Variants in CHIC1 observed in about 807,000 individuals in gnomAD.
CHIC1 encodes the protein cysteine rich hydrophobic domain 1, also known as cysteine-rich hydrophobic domain-containing protein 1.
Under a neutral mutation model 18.5 loss-of-function variants are expected in CHIC1, and 7 were observed. The observed-to-expected ratio is 0.38, with a 90% CI of 0.22 to 0.71. The LOEUF is 0.71. Among genes scored for constraint, CHIC1 ranks in the 30% least tolerant of loss-of-function variants. The pLI, the probability that CHIC1 is intolerant of heterozygous loss-of-function variation, is 0.49. For synonymous variants in CHIC1, 77 were observed against 73.5 expected, an observed-to-expected ratio of 1.05 and a Z score of -0.25; for missense variants, 159 against 176.9, an observed-to-expected ratio of 0.90 and a Z score of 0.57.
At chrX:73,615,388 G>A (rs1457971066) in intron 3 of CHIC1, among the ~76,000 whole-genome samples, 2 of 111,707 alleles carry the variant, frequency 1.8e-5, no homozygotes, top group Admixed American at 1.9e-4. Flanking sequence ...ACAGGATCTT[G>A]GGGGGTAGTG....
At chrX:73,626,113 T>G (rs2057782379) in intron 3 of CHIC1, among the ~76,000 whole-genome samples, 1 of 111,413 alleles carries the variant, frequency 9.0e-6, no homozygotes, top group South Asian at 3.8e-4. Flanking sequence ...ATCCATAAAG[T>G]GAAAGCAAGT....
At chrX:73,606,301 C>T (rs1175071270) in intron 3 of CHIC1, among the ~76,000 whole-genome samples, 1 of 106,089 alleles carries the variant, frequency 9.4e-6, no homozygotes, top group Non-Finnish European at 1.9e-5. Flanking sequence ...GTATGCTTCA[C>T]GAAGTTCTCG....
At chrX:73,650,039 A>G (rs184596117) in intron 3 of CHIC1, among the ~76,000 whole-genome samples, 2 of 112,458 alleles carry the variant, frequency 1.8e-5, no homozygotes, top group East Asian at 2.8e-4. Context: ...AACTCACTCA[A>G]AAACCACACA....
chrX:73,631,401 C>A (rs2057806264), intron 3 of CHIC1, among the ~76,000 whole-genome samples: 2 of 109,993 alleles, frequency 1.8e-5, no homozygotes, highest in South Asian at 7.8e-4. Flanking sequence ...CTTAGGCGGG[C>A]AGATCACCTG....
chrX:73,630,735 G>A (rs184730343), intron 3 of CHIC1, among the ~76,000 whole-genome samples: 1 of 111,808 alleles, frequency 8.9e-6, no homozygotes, highest in Admixed American at 9.5e-5. Context: ...TTTGGTATCA[G>A]GGTAATGCTG....
chrX:73,674,733 C>T (rs1391766568), intron 3 of CHIC1, among the ~76,000 whole-genome samples: 4 of 111,388 alleles, frequency 3.6e-5, no homozygotes, highest in African/African-American at 1.3e-4. Context: ...TCTCTATTTC[C>T]TTCAGTTCTG....
At chrX:73,575,206 A>T (rs1033693102) in intron 1 of CHIC1, among the ~76,000 whole-genome samples, 7 of 110,424 alleles carry the variant, frequency 6.3e-5, no homozygotes, top group African/African-American at 2.3e-4. Flanking sequence ...GGGGGTCAAC[A>T]TTGGAGTTTT....
chrX:73,569,874 A>G (rs1339938), intron 1 of CHIC1, among the ~76,000 whole-genome samples: 6,060 of 111,207 alleles, frequency 0.054, 412 homozygotes, highest in African/African-American at 0.18. Flanking sequence ...TTTTTTATAT[A>G]GATACATTTA....
intron 3 of CHIC1, among the ~76,000 whole-genome samples, chrX:73,642,786 C>A (rs1312018270): frequency 9.2e-6 from 1 of 108,893 alleles, no homozygotes; most frequent in Non-Finnish European, 1.9e-5. Flanking sequence ...GAATCCTTTC[C>A]CCATTGCTTG....
intron 3 of CHIC1, among the ~76,000 whole-genome samples, chrX:73,676,028 A>G (rs1345722137): frequency 9.0e-6 from 1 of 111,624 alleles, no homozygotes; most frequent in African/African-American, 3.3e-5. Flanking sequence ...TGGGTTGAAA[A>G]TTCTTTTCTT....
In CHIC1 at chrX:73,657,129, G is replaced by A. The variant is rs1435216209; in HGVS notation, c.508-22197G>A. Among the ~76,000 whole-genome samples the A allele has an allele frequency of 5.8e-5, 6 of 104,065 alleles. No individual in the cohort carries two copies. In the East Asian group the frequency reaches 1.8e-3, roughly 31 times the overall value. The allele number at this position is 104,065 out of a possible 115,157, so 90.4% of individuals were successfully genotyped here. A position where few individuals can be genotyped will look rare whatever the true frequency, so the allele number is the denominator to read the frequency against. Reference sequence around the variant, plus strand: ...GACTGGAGTGCAGTGGCACGATCTCGGCTCACTGCAAGCTCCACCTTCCGG... The same window carrying A: ...GACTGGAGTGCAGTGGCACGATCTCAGCTCACTGCAAGCTCCACCTTCCGG... On this transcript the variant is annotated intron_variant, in intron 3 of 5. Transcript: ENST00000373502.
chrX:73,639,423 T>C (rs1030192621), intron 3 of CHIC1, among the ~76,000 whole-genome samples: 39 of 112,193 alleles, frequency 3.5e-4, no homozygotes, highest in African/African-American at 1.2e-3. Context: ...ATTAAAACTT[T>C]GTTGAATGCA....
chrX:73,677,641 C>T (rs1319740572), intron 3 of CHIC1, among the ~76,000 whole-genome samples: 1 of 112,171 alleles, frequency 8.9e-6, no homozygotes, highest in Non-Finnish European at 1.9e-5. Context: ...ATCTGTCACC[C>T]CTTTCTTTGA....
rs1368411959 is a variant in CHIC1, at chrX:73,646,902, A to G, written c.508-32424A>G. Among the ~76,000 whole-genome samples the G allele has an allele frequency of 2.7e-5, 3 of 112,300 alleles. No homozygotes were observed. The Admixed American group carries it at 2.8e-4, about 11-fold the overall frequency. ...ACCAATACCTTGAAGCATTTCTCCA[A>G]CTTTTCCTATAGTAGTTTCATAGTT... On this transcript the variant is annotated intron_variant, in intron 3 of 5. Transcript: ENST00000373502.
intron 2 of CHIC1, among the ~76,000 whole-genome samples, chrX:73,584,068 C>G (rs1472403709): frequency 9.0e-6 from 1 of 110,925 alleles, no homozygotes; most frequent in Admixed American, 9.6e-5. Flanking sequence ...TCTTACCCAG[C>G]TTTTACTCAG....
intron 3 of CHIC1, among the ~76,000 whole-genome samples, chrX:73,612,017 T>C (rs1468424451): frequency 9.2e-6 from 1 of 108,942 alleles, no homozygotes; most frequent in Non-Finnish European, 1.9e-5. Flanking sequence ...AGAAGCTCTT[T>C]AGTTTAATTA....
chrX:73,675,636 A>C (rs963058431), intron 3 of CHIC1, among the ~76,000 whole-genome samples: 18 of 111,742 alleles, frequency 1.6e-4, no homozygotes, highest in African/African-American at 5.9e-4. Flanking sequence ...TCTGCACATG[A>C]AATGGGTTTC....
intron 2 of CHIC1, chrX:73,578,560 C>T (rs1569500264): frequency 9.0e-6 from 1 of 110,565 alleles, no homozygotes; most frequent in Non-Finnish European, 1.9e-5. Flanking sequence ...AAAATTATCT[C>T]ATTATCTAAC....
At chrX:73,612,339 AT>A (rs1161822285) in intron 3 of CHIC1, among the ~76,000 whole-genome samples, 4 of 110,503 alleles carry the variant, frequency 3.6e-5, no homozygotes, top group Non-Finnish European at 5.7e-5. Context: ...TTTTTCATCT[AT>A]TAATTTTGTG....
Sources: gnomAD v4.1 joint callset for allele counts (sites outside exome capture counted in the v4.1 genomes callset) on GRCh38, gnomAD v4.1.1 for gene constraint, MANE v1.5 for transcripts, NCBI Gene and HGNC (gene_info 2026-07-23, HGNC 2026-07-21) for gene names.